Variants in ITGBL1 observed in about 807,000 individuals in gnomAD.
The protein encoded by ITGBL1 is integrin beta-like protein 1.
ITGBL1 carries 51 observed loss-of-function variants against 68.5 expected under a neutral mutation model. That is an observed-to-expected ratio of 0.74 (90% CI 0.59 to 0.94). The LOEUF is 0.94. Among genes scored for constraint, ITGBL1 ranks in the 40% least tolerant of loss-of-function variants. ITGBL1 has a pLI of 0.00. For missense variants in ITGBL1, 649 were observed against 647.4 expected, an observed-to-expected ratio of 1.00 and a Z score of -0.03; for synonymous variants, 209 against 227.3, an observed-to-expected ratio of 0.92 and a Z score of 0.72.
chr13:101,679,041 G>C (rs2033577963), intron 7 of ITGBL1, among the ~76,000 whole-genome samples: 1 of 151,954 alleles, frequency 6.6e-6, no homozygotes, highest in East Asian at 1.9e-4. Context: ...CAAGTAGCTA[G>C]GATTACAGAC....
At chr13:101,516,381 G>T (rs2049195723) in intron 2 of ITGBL1, among the ~76,000 whole-genome samples, 1 of 151,952 alleles carries the variant, frequency 6.6e-6, no homozygotes, top group African/African-American at 2.4e-5. Context: ...AATCTATTTT[G>T]GAAATTTGAA....
intron 2 of ITGBL1, among the ~76,000 whole-genome samples, chr13:101,513,724 C>A (rs1329679065): frequency 6.6e-6 from 1 of 151,856 alleles, no homozygotes. Context: ...AATGAAGAAC[C>A]ATTGACCCCA....
rs2049318391 is a variant in ITGBL1, at chr13:101,523,362, C to G, written c.317-44337C>G. On this transcript the variant is annotated intron_variant, in intron 2 of 10. Transcript: ENST00000376180. ...CCATCCTCTTTGTGAGAGTCCGCCT[C>G]CAAGTTGGATTAGAAGATGTCCTGG... Among the ~76,000 whole-genome samples the G allele has an allele frequency of 1.3e-5, 2 of 152,160 alleles. 1 individual carries two copies. The highest frequency in any genetic ancestry group is 4.1e-4 in the South Asian group (2 of 4,826).
intron 2 of ITGBL1, among the ~76,000 whole-genome samples, chr13:101,486,176 A>G (rs1775782054): frequency 6.6e-6 from 1 of 152,226 alleles, no homozygotes; most frequent in Non-Finnish European, 1.5e-5. Context: ...AAGGAGTGAA[A>G]TAATGTCTTC....
At chr13:101,707,239 T>C (rs2034282604) in intron 9 of ITGBL1, among the ~76,000 whole-genome samples, 1 of 152,126 alleles carries the variant, frequency 6.6e-6, no homozygotes, top group South Asian at 2.1e-4. Flanking sequence ...AGAATGATTA[T>C]TGGGCTCACC....
chr13:101,619,850 G>A (rs988732324), intron 7 of ITGBL1, among the ~76,000 whole-genome samples: 1 of 152,134 alleles, frequency 6.6e-6, no homozygotes, highest in Non-Finnish European at 1.5e-5. Context: ...ACATAGATTA[G>A]TTGAGATATG....
chr13:101,576,576 G>A (rs547377677), intron 4 of ITGBL1, among the ~76,000 whole-genome samples: 1 of 152,264 alleles, frequency 6.6e-6, no homozygotes, highest in East Asian at 1.9e-4. Flanking sequence ...TAGAAGTATT[G>A]TTTTTCTGGA....
rs190247728 is a variant in ITGBL1 at position 101,587,411 on chromosome 13, A to G, written c.868+4055A>G. 2.2e-3 allele frequency among the ~76,000 whole-genome samples: 342 copies of G among 152,248 alleles called. 5 individuals carry two copies. The highest frequency in any genetic ancestry group is 9.2e-3 in the Admixed American group (141 of 15,288). On this transcript the variant is annotated intron_variant, in intron 6 of 10. Coordinates refer to ENST00000376180, the MANE Select transcript of ITGBL1 (RefSeq NM_004791.3). Reference sequence around the variant, plus strand: ...ACTACACACATACACGCACCCCTCAAAGACAATACGGTTGACACAATTTGA... The same window carrying G: ...ACTACACACATACACGCACCCCTCAGAGACAATACGGTTGACACAATTTGA...
At chr13:101,606,648 G>A (rs553507922) in intron 7 of ITGBL1, among the ~76,000 whole-genome samples, 2 of 151,978 alleles carry the variant, frequency 1.3e-5, no homozygotes, top group African/African-American at 4.8e-5. Flanking sequence ...CATCTGAGCA[G>A]AAGCTATAAG....
At chr13:101,502,803 A>G (rs930915619) in intron 2 of ITGBL1, among the ~76,000 whole-genome samples, 5 of 152,130 alleles carry the variant, frequency 3.3e-5, no homozygotes, top group Non-Finnish European at 7.3e-5. Context: ...CTAAATTCTC[A>G]TGTGCCTCGT....
chr13:101,653,956 C>T (rs1031894976), intron 7 of ITGBL1, among the ~76,000 whole-genome samples: 2 of 151,084 alleles, frequency 1.3e-5, no homozygotes, highest in Non-Finnish European at 3.0e-5. Flanking sequence ...GTGATCTGCC[C>T]ACCTCCGCCT....
At chr13:101,667,814 A>C (rs1341408670) in intron 7 of ITGBL1, among the ~76,000 whole-genome samples, 7 of 152,126 alleles carry the variant, frequency 4.6e-5, no homozygotes, top group Non-Finnish European at 1.0e-4. Flanking sequence ...TACATAATAC[A>C]ATCTGGCATA....
intron 7 of ITGBL1, among the ~76,000 whole-genome samples, chr13:101,621,079 G>A (rs1328028420): frequency 6.6e-6 from 1 of 152,132 alleles, no homozygotes; most frequent in Non-Finnish European, 1.5e-5. Context: ...AGCCTTCCTG[G>A]GTTTATCATG....
intron 2 of ITGBL1, among the ~76,000 whole-genome samples, chr13:101,463,829 G>C (rs9585701): frequency 0.09 from 13,606 of 151,278 alleles, 1,844 homozygotes; most frequent in African/African-American, 0.29. Context: ...ACTGAATGTT[G>C]TGGAGACATT....
At chr13:101,661,577 A>C (rs2033092018) in intron 7 of ITGBL1, among the ~76,000 whole-genome samples, 2 of 152,170 alleles carry the variant, frequency 1.3e-5, no homozygotes, top group Admixed American at 1.3e-4. Context: ...TCCAGTAATA[A>C]AACAAACAAT....
At chr13:101,557,255 G>C (rs959355276) in intron 2 of ITGBL1, among the ~76,000 whole-genome samples, 1 of 152,198 alleles carries the variant, frequency 6.6e-6, no homozygotes, top group Non-Finnish European at 1.5e-5. Context: ...AACACTGGAA[G>C]GCATGTTAAA....
intron 9 of ITGBL1, chr13:101,713,189 T>C (rs1459399418): frequency 3.9e-5 from 6 of 152,242 alleles, no homozygotes; most frequent in African/African-American, 1.4e-4. Flanking sequence ...GTTTCCCTGA[T>C]ATGAAATATC....
intron 7 of ITGBL1, among the ~76,000 whole-genome samples, chr13:101,664,411 T>A (rs2033162709): frequency 6.6e-6 from 1 of 152,142 alleles, no homozygotes; most frequent in South Asian, 2.1e-4. Context: ...TCCTGAGAGA[T>A]CTCTATTATA....
intron 9 of ITGBL1, among the ~76,000 whole-genome samples, chr13:101,707,923 C>T (rs894233224): frequency 6.7e-6 from 1 of 150,284 alleles, no homozygotes; most frequent in Non-Finnish European, 1.5e-5. Context: ...TTATAACCTA[C>T]AAGTTGGTTG....
Sources: gnomAD v4.1 joint callset for allele counts (sites outside exome capture counted in the v4.1 genomes callset) on GRCh38, gnomAD v4.1.1 for gene constraint, MANE v1.5 for transcripts, NCBI Gene and HGNC (gene_info 2026-07-23, HGNC 2026-07-21) for gene names.